The following DAB1 variants were observed in gnomAD, a reference collection of about 807,000 sequenced individuals.
The protein encoded by DAB1 is DAB adaptor protein 1, also known as disabled homolog 1.
DAB1 carries 15 observed loss-of-function variants against 64.6 expected under a neutral mutation model. The ratio of observed to expected loss-of-function variants is 0.23; its 90% CI spans 0.16 to 0.36. The LOEUF (loss-of-function observed/expected upper bound fraction) is 0.36, where lower values mean the gene tolerates loss of function less well. DAB1 is among the 10% of genes least tolerant of loss of function. The pLI is 1.00. For synonymous variants in DAB1, 235 were observed against 251.9 expected (o/e 0.93, Z 0.64); for missense variants, 596 against 706.7 (o/e 0.84, Z 1.78).
At chr1:58,428,793 C>T (rs1644843830) in intron 3 of DAB1, among the ~76,000 whole-genome samples, 1 of 152,176 alleles carries the variant, frequency 6.6e-6, no homozygotes, top group Non-Finnish European at 1.5e-5. Context: ...TACTTCTGTA[C>T]ATGTTTGAAA....
At chr1:57,906,569 AGG>A (rs34915721) in intron 5 of DAB1, among the ~76,000 whole-genome samples, 1 of 152,172 alleles carries the variant, frequency 6.6e-6, no homozygotes, top group Non-Finnish European at 1.5e-5. Flanking sequence ...TGTCAGGCAG[AGG>A]GGCACAGTGA....
At chr1:58,045,294 G>A (rs946515261) in intron 5 of DAB1, among the ~76,000 whole-genome samples, 26 of 152,268 alleles carry the variant, frequency 1.7e-4, no homozygotes, top group African/African-American at 5.5e-4. Context: ...GCTGTGGAGT[G>A]GGCCTCACCT....
rs77088063 is a variant in DAB1 at position 58,296,165 on chromosome 1, A to AG, written n.309+47186dup. On this transcript the variant is annotated intron_variant and non_coding_transcript_variant, in intron 4 of 20. Transcript: ENST00000485760. ...AAGGAAAGAAAGAAAAAAGAAAGAA[A>AG]GAAAGAAAAAAGAAAGAAAGAGAAA... 3.3e-4 allele frequency among the ~76,000 whole-genome samples: 37 copies of AG among 110,982 alleles called. 5 individuals carry two copies. The East Asian group carries it at 3.6e-3, about 11-fold the overall frequency. 72.8% of individuals were successfully genotyped at this position (110,982 alleles called of 152,430 possible). A position where few individuals can be genotyped will look rare whatever the true frequency, so the allele number is the denominator to read the frequency against.
intron 5 of DAB1, among the ~76,000 whole-genome samples, chr1:57,995,128 A>C (rs1646404999): frequency 6.6e-6 from 1 of 152,208 alleles, no homozygotes; most frequent in Admixed American, 6.5e-5. Flanking sequence ...AGGCAAAGAC[A>C]GTAGTTTCCA....
At chr1:58,080,270 C>T (rs1431461569) in intron 5 of DAB1, 1 of 152,186 alleles carries the variant, frequency 6.6e-6, no homozygotes, top group Non-Finnish European at 1.5e-5. Flanking sequence ...CACTTTATGA[C>T]TTAATCAAGA....
chr1:57,280,943 T>C (rs564024522), intron 2 of DAB1, among the ~76,000 whole-genome samples: 1 of 152,262 alleles, frequency 6.6e-6, no homozygotes, highest in South Asian at 2.1e-4. Context: ...GTTAATGGCA[T>C]AGCATAGAAA....
At position 57,167,104 on chromosome 1, in the gene DAB1, G is replaced by T. The variant is rs78614668; in HGVS notation, c.68-21675C>A. On this transcript the variant is annotated intron_variant, in intron 2 of 14. Coordinates refer to ENST00000371236, the MANE Select transcript of DAB1 (RefSeq NM_001365792.1). ...CTCTGGTTGAAGTGAGGGAAATTGA[G>T]GCTGGGAATATAAGTCTCTCACCCA... Among the ~76,000 whole-genome samples, 1,163 of 152,244 alleles carry T rather than the reference G, an allele frequency of 7.6e-3. 22 individuals are homozygous for T. The highest frequency in any genetic ancestry group is 0.07 in the East Asian group (364 of 5,176).
chr1:57,058,946 G>T (rs545387988), intron 9 of DAB1, among the ~76,000 whole-genome samples: 1 of 152,306 alleles, frequency 6.6e-6, no homozygotes, highest in Non-Finnish European at 1.5e-5. Flanking sequence ...AATATGTTAA[G>T]AGAAAATGAC....
At chr1:58,245,935 T>G (rs779890932) in intron 4 of DAB1, among the ~76,000 whole-genome samples, 1 of 152,178 alleles carries the variant, frequency 6.6e-6, no homozygotes, top group African/African-American at 2.4e-5. Flanking sequence ...TACATGAATA[T>G]ATATTGCAAG....
In DAB1 at chr1:57,195,980, G is replaced by A. The variant is rs74528686; in HGVS notation, c.68-50551C>T. ...TATGAATTTATAGATAAATTGTGGA[G>A]AATGAAAACATGTAAAGCAACAGAA... On this transcript the variant is annotated intron_variant, in intron 2 of 14. Coordinates refer to ENST00000371236, the MANE Select transcript of DAB1 (RefSeq NM_001365792.1). Among the ~76,000 whole-genome samples, 447 of 152,180 alleles carry A rather than the reference G, an allele frequency of 2.9e-3. 1 individual carries two copies. The highest frequency in any genetic ancestry group is 4.7e-3 in the Non-Finnish European group (323 of 68,008).
At chr1:57,444,824 T>C (rs1686076736) in intron 7 of DAB1, among the ~76,000 whole-genome samples, 1 of 152,198 alleles carries the variant, frequency 6.6e-6, no homozygotes, top group Admixed American at 6.5e-5. Context: ...CAGAATTCTG[T>C]CCTGCAAAAC....
At chr1:58,171,699 A>C (rs1438982890) in intron 4 of DAB1, among the ~76,000 whole-genome samples, 1 of 152,282 alleles carries the variant, frequency 6.6e-6, no homozygotes, top group Middle Eastern at 3.4e-3. Context: ...GATAGCCCTC[A>C]TCTGTTTGGC....
chr1:57,716,068 C>T lies in DAB1; in HGVS notation n.552-66403G>A, dbSNP rs1481621881. ...GGGATTACAGGCACCTGCCACCACA[C>T]CCAGTTATTTTTTGTATTTTTAGTA... On this transcript the variant is annotated intron_variant and non_coding_transcript_variant, in intron 6 of 20. Transcript: ENST00000485760. 2.0e-5 allele frequency among the ~76,000 whole-genome samples: 3 copies of T among 152,140 alleles called. No homozygotes were observed. In the East Asian group the frequency reaches 5.8e-4, roughly 29 times the overall value.
intron 2 of DAB1, among the ~76,000 whole-genome samples, chr1:57,156,716 A>G (rs1660258062): frequency 6.6e-6 from 1 of 152,174 alleles, no homozygotes; most frequent in Non-Finnish European, 1.5e-5. Context: ...AGTCATTTTA[A>G]TATTGGCTTT....
chr1:58,470,847 CTCT>C (rs1035782654), intron 3 of DAB1, among the ~76,000 whole-genome samples: 2 of 152,112 alleles, frequency 1.3e-5, no homozygotes, highest in African/African-American at 4.8e-5. Flanking sequence ...GTGTCAAGAG[CTCT>C]TCTTATTTGA....
chr1:57,073,920 A>G (rs1303627688), intron 4 of DAB1, among the ~76,000 whole-genome samples: 1 of 152,192 alleles, frequency 6.6e-6, no homozygotes, highest in Non-Finnish European at 1.5e-5. Context: ...CCTGTCACCC[A>G]CGCTGGAGTG....
intron 7 of DAB1, among the ~76,000 whole-genome samples, chr1:57,524,034 G>A (rs1002388153): frequency 2.0e-5 from 3 of 152,106 alleles, no homozygotes; most frequent in Middle Eastern, 3.2e-3. Context: ...AGGGTTTGAA[G>A]ATAAAGTTTA....
intron 7 of DAB1, among the ~76,000 whole-genome samples, chr1:57,621,574 C>T (rs12123256): frequency 2.0e-4 from 30 of 152,008 alleles, no homozygotes; most frequent in South Asian, 8.3e-4. Context: ...TGAGGCTAGG[C>T]GATTGTAAGT....
At chr1:57,890,423 C>CT (rs1039805340) in intron 5 of DAB1, among the ~76,000 whole-genome samples, 2 of 150,766 alleles carry the variant, frequency 1.3e-5, no homozygotes, top group Non-Finnish European at 3.0e-5. Flanking sequence ...TCTTTCTTCT[C>CT]TTTTTTTGCT....
Sources: allele counts gnomAD v4.1 joint callset (sites outside exome capture counted in the v4.1 genomes callset), GRCh38; gene constraint gnomAD v4.1.1; transcripts MANE v1.5; gene names NCBI Gene and HGNC (gene_info 2026-07-23, HGNC 2026-07-21).